The following ZNF676 variants were observed in gnomAD, a reference collection of about 807,000 sequenced individuals.
ZNF676 encodes the protein zinc finger protein 676.
ZNF676 carries 4 observed loss-of-function variants against 6.0 expected under a neutral mutation model. The ratio of observed to expected loss-of-function variants is 0.67; its 90% CI spans 0.33 to 1.53. ZNF676 has a LOEUF of 1.53. Ranked by LOEUF, ZNF676 falls within the 40% of genes most tolerant of loss-of-function variation. The probability of loss-of-function intolerance (pLI) is 0.06; values close to 1 mark genes in which losing one functional copy is unlikely to be tolerated. For synonymous variants in ZNF676, 198 were observed against 223.1 expected, an observed-to-expected ratio of 0.89 and a Z score of 1.00; for missense variants, 644 against 679.7, an observed-to-expected ratio of 0.95 and a Z score of 0.58.
the ZNF676 span, among the ~76,000 whole-genome samples, chr19:22,234,758 AC>A: frequency 6.6e-6 from 1 of 151,896 alleles, no homozygotes; most frequent in African/African-American, 2.4e-5. Context: ...ACATGGTGAA[AC>A]CCCAAGTCTA....
the ZNF676 span, among the ~76,000 whole-genome samples, chr19:22,231,513 G>A: frequency 1.5e-5 from 2 of 129,236 alleles, no homozygotes; most frequent in South Asian, 5.0e-4. Context: ...AAAAAAGACT[G>A]ATAGTGGCAA....
the ZNF676 span, among the ~76,000 whole-genome samples, chr19:22,252,435 AG>A: frequency 2.1e-5 from 3 of 141,422 alleles, no homozygotes; most frequent in Non-Finnish European, 3.2e-5. Context: ...AAGAAAGAAA[AG>A]AAAAAAAAAA....
chr19:22,197,915 T>A (rs2023986029), upstream of ZNF676, among the ~76,000 whole-genome samples: 1 of 152,204 alleles, frequency 6.6e-6, no homozygotes, highest in African/African-American at 2.4e-5. Flanking sequence ...AATTATAGTC[T>A]GAATTTAACC....
chr19:22,215,496 G>T, intron 1 of ZNF676: 2 of 1,003,018 alleles, frequency 2.0e-6, no homozygotes, highest in East Asian at 2.7e-5. Flanking sequence ...TATGGCTGAA[G>T]GGGACTGAGG....
intron 1 of ZNF676, among the ~76,000 whole-genome samples, chr19:22,209,597 C>T (rs902688583): frequency 6.6e-6 from 1 of 152,190 alleles, no homozygotes; most frequent in African/African-American, 2.4e-5. Flanking sequence ...TCCCATGACA[C>T]AATTTTAGCT....
the ZNF676 span, among the ~76,000 whole-genome samples, chr19:22,253,372 G>GTGTATATA: frequency 1.5e-4 from 14 of 90,852 alleles, no homozygotes; most frequent in South Asian, 8.9e-4. Context: ...GTGTGTGTGT[G>GTGTATATA]TATATATATA....
rs531433977 is a variant in ZNF676 at position 22,181,011 on chromosome 19, G to C, written c.706C>G (p.Arg236Gly). 9 of 1,565,132 alleles carry C rather than the reference G, an allele frequency of 5.8e-6. No homozygotes were observed. In the Admixed American group the frequency reaches 1.4e-4, roughly 24 times the overall value. ...KCEECGKAFN[R>G]SSILTKHKII... ...TTATGTTTAGTAAGGATTGAGGATC[G>C]ATTAAAAGCTTTGCCACATTCTTCA... The change falls in exon 3 of 3, where the codon CGA becomes GGA. Residue 236 changes from arginine to glycine, a missense_variant. Transcript: ENST00000397121.
chr19:22,248,455 T>C, the ZNF676 span, among the ~76,000 whole-genome samples: 3 of 152,190 alleles, frequency 2.0e-5, no homozygotes, highest in Non-Finnish European at 2.9e-5. Flanking sequence ...CTGCACGTTG[T>C]GCACATGTAC....
intron 2 of ZNF676, among the ~76,000 whole-genome samples, chr19:22,186,565 C>T (rs751287075): frequency 6.6e-6 from 1 of 152,046 alleles, no homozygotes; most frequent in African/African-American, 2.4e-5. Context: ...GCTAAATGCC[C>T]CAATTAAAAG....
upstream of ZNF676, among the ~76,000 whole-genome samples, chr19:22,201,448 C>T (rs1036755909): frequency 2.6e-5 from 4 of 152,142 alleles, no homozygotes; most frequent in African/African-American, 9.7e-5. Flanking sequence ...TTGTAAATTC[C>T]AGGCAGAGGC....
Position 22,179,971 on chromosome 19 carries a change from A to C in ZNF676, c.1746T>G (p.Ile582Met). The C allele has an allele frequency of 6.2e-7, 1 of 1,613,420 alleles. No homozygotes were observed. The highest frequency in any genetic ancestry group is 8.5e-7 in the Non-Finnish European group (1 of 1,179,768). ...ATTTTTAGGGATTCTCTCCAGTATG[A>C]ATTTTCTTATGATAACTAACAGTTG... ...SSSTVSYHKK[I>M]HTGENP Residue 582 changes from isoleucine to methionine, a missense_variant, in exon 3 of 3, where the codon ATT (isoleucine) becomes ATG (methionine). Ile to Met is a conservative substitution (Grantham distance 10, BLOSUM62 1). This residue lies in a region of ZNF676 where 306 missense variants were observed against 265.4 expected (regional missense o/e 1.15). Coordinates refer to ENST00000397121, the MANE Select transcript of ZNF676 (RefSeq NM_001001411.3).
chr19:22,205,098 TG>T (rs1478130413), intron 1 of ZNF676, among the ~76,000 whole-genome samples: 1 of 151,914 alleles, frequency 6.6e-6, no homozygotes, highest in African/African-American at 2.4e-5. Flanking sequence ...AGAATGTTTA[TG>T]GGGGGAAAAG....
the ZNF676 span, among the ~76,000 whole-genome samples, chr19:22,221,544 A>G: frequency 6.6e-6 from 1 of 152,218 alleles, no homozygotes; most frequent in South Asian, 2.1e-4. Flanking sequence ...TGAGGTCAGG[A>G]GTTCAAAACC....
At chr19:22,242,647 A>G in the ZNF676 span, among the ~76,000 whole-genome samples, 1 of 152,000 alleles carries the variant, frequency 6.6e-6, no homozygotes. Context: ...CCCAAGAGAT[A>G]GAAGAGTCTT....
chr19:22,253,624 G>A, the ZNF676 span, among the ~76,000 whole-genome samples: 1 of 151,710 alleles, frequency 6.6e-6, no homozygotes, highest in Non-Finnish European at 1.5e-5. Context: ...TCTCTCCATT[G>A]AATGCATCCA....
At chr19:22,209,295 C>A in intron 1 of ZNF676, among the ~76,000 whole-genome samples, 1 of 146,814 alleles carries the variant, frequency 6.8e-6, no homozygotes. Flanking sequence ...GGTACATAAA[C>A]ATCATGACAT....
chr19:22,181,670 CA>C (rs1406304497), intron 2 of ZNF676, 84 bp from the exon 3 acceptor site: 4 of 1,085,388 alleles, frequency 3.7e-6, no homozygotes, highest in Middle Eastern at 2.1e-4. Flanking sequence ...TAAAATTATT[CA>C]AACTACATAA....
At chr19:22,209,883 T>C (rs1191041272) in intron 1 of ZNF676, among the ~76,000 whole-genome samples, 1 of 152,140 alleles carries the variant, frequency 6.6e-6, no homozygotes. Context: ...TGTAGGTTTT[T>C]GGCCAAAAAA....
At chr19:22,213,848 AT>A (rs1266216129) in intron 1 of ZNF676, among the ~76,000 whole-genome samples, 1 of 152,182 alleles carries the variant, frequency 6.6e-6, no homozygotes, top group African/African-American at 2.4e-5. Flanking sequence ...ACAGTACTGA[AT>A]CTCAGGTCCA....
Sources: allele counts gnomAD v4.1 joint callset (sites outside exome capture counted in the v4.1 genomes callset), GRCh38; gene constraint gnomAD v4.1.1; regional missense constraint gnomAD v4.1.1; transcripts MANE v1.5; gene names NCBI Gene and HGNC (gene_info 2026-07-23, HGNC 2026-07-21).